RBPJ: variants seen among roughly 807,000 people sequenced by gnomAD.
The protein encoded by RBPJ is recombination signal binding protein for immunoglobulin kappa J region.
A neutral mutation model predicts 67.8 loss-of-function variants in RBPJ; 9 were observed. The ratio of observed to expected loss-of-function variants is 0.13; its 90% CI spans 0.08 to 0.23. RBPJ has a LOEUF of 0.23. RBPJ is among the 10% of genes least tolerant of loss of function. RBPJ has a pLI of 1.00. For synonymous variants in RBPJ, 198 were observed against 203.3 expected, an observed-to-expected ratio of 0.97 and a Z score of 0.22; for missense variants, 305 against 595.6, an observed-to-expected ratio of 0.51 and a Z score of 5.08.
chr4:26,298,244 T>C (rs1488775219), intron 1 of RBPJ, among the ~76,000 whole-genome samples: 1 of 152,226 alleles, frequency 6.6e-6, no homozygotes, highest in Non-Finnish European at 1.5e-5. Context: ...GTAACCTAAG[T>C]AGGACCTCTT....
At chr4:26,219,987 G>A (rs1207365914) in intron 1 of RBPJ, among the ~76,000 whole-genome samples, 2 of 150,904 alleles carry the variant, frequency 1.3e-5, no homozygotes, top group East Asian at 1.9e-4. Context: ...GTTTCACTAT[G>A]TTAGCCAGGA....
At position 26,430,581 on chromosome 4, in the gene RBPJ, T is replaced by G. The variant is rs148387267; in HGVS notation, c.1148+59T>G. On this transcript the variant is annotated intron_variant, in intron 10 of 10. Coordinates refer to ENST00000355476, the MANE Select transcript of RBPJ (RefSeq NM_015874.6). This position sits in a 1 kb window ranked among gnomAD's most constrained non-coding sequence, Gnocchi z 4.1. ...TTGTGAGGGGTGTGGGTACAGGAGA[T>G]TCTTTCCTGGCACTGATTGTAATGT... 6.6e-7 allele frequency: 1 copy of G among 1,516,390 alleles called. No homozygotes were observed. Among genetic ancestry groups the G allele is most frequent in the Admixed American group, 1.8e-5 (1 of 54,666 alleles). 93.9% of individuals were successfully genotyped at this position (1,516,390 alleles called of 1,614,324 possible). A position where few individuals can be genotyped will look rare whatever the true frequency, so the allele number is the denominator to read the frequency against.
At chr4:26,124,571 A>G in the RBPJ span, among the ~76,000 whole-genome samples, 1 of 151,222 alleles carries the variant, frequency 6.6e-6, no homozygotes, top group Non-Finnish European at 1.5e-5. Flanking sequence ...TCTTTTTCAT[A>G]TAATGACTTC....
At chr4:26,191,248 G>T (rs1410815428) in intron 1 of RBPJ, among the ~76,000 whole-genome samples, 1 of 135,338 alleles carries the variant, frequency 7.4e-6, no homozygotes, top group African/African-American at 3.0e-5. Context: ...GAGATAGAGA[G>T]AGAGAGAGGG....
intron 1 of RBPJ, among the ~76,000 whole-genome samples, chr4:26,234,048 A>G (rs1719374676): frequency 6.6e-6 from 1 of 152,220 alleles, no homozygotes; most frequent in African/African-American, 2.4e-5. Flanking sequence ...CTTAGAAACT[A>G]TAGGGGCTTC....
chr4:26,284,276 T>C (rs1310410021), intron 1 of RBPJ, among the ~76,000 whole-genome samples: 1 of 152,156 alleles, frequency 6.6e-6, no homozygotes, highest in Non-Finnish European at 1.5e-5. Flanking sequence ...CCTTAACAGC[T>C]TCTTTGTTGC....
the RBPJ span, among the ~76,000 whole-genome samples, chr4:26,111,625 C>T: frequency 6.6e-6 from 1 of 152,224 alleles, no homozygotes; most frequent in African/African-American, 2.4e-5. Context: ...CCTCCAGTCC[C>T]TCATGGGAAA....
intron 1 of RBPJ, among the ~76,000 whole-genome samples, chr4:26,229,009 C>A (rs553054762): frequency 6.6e-6 from 1 of 152,300 alleles, no homozygotes; most frequent in South Asian, 2.1e-4. Context: ...GTCACAGGAG[C>A]CTTAGAGCTC....
intron 2 of RBPJ, among the ~76,000 whole-genome samples, chr4:26,400,155 A>G (rs973216321): frequency 2.6e-5 from 4 of 152,082 alleles, no homozygotes; most frequent in African/African-American, 7.2e-5. Flanking sequence ...AATTTTTGGT[A>G]TTTTTTAATT....
At position 26,431,614 on chromosome 4, in the gene RBPJ, T is replaced by G. The variant is rs1736245503; in HGVS notation, c.*607T>G. The G allele has an allele frequency of 6.6e-6, 1 of 152,190 alleles. No individual in the cohort carries two copies. Among genetic ancestry groups the G allele is most frequent in the African/African-American group, 2.4e-5 (1 of 41,416 alleles). 9.4% of individuals were successfully genotyped at this position (152,190 alleles called of 1,614,324 possible). A position where few individuals can be genotyped will look rare whatever the true frequency, so the allele number is the denominator to read the frequency against. On this transcript the variant is annotated 3_prime_UTR_variant, in exon 11 of 11. Coordinates refer to ENST00000355476, the MANE Select transcript of RBPJ (RefSeq NM_015874.6). ...TGGTCTAAGGCTGGAACTTTTTTCT[T>G]TTTTTTCAGCTGAAGTCTTATGACT...
At chr4:26,274,568 G>A (rs140967594) in intron 1 of RBPJ, among the ~76,000 whole-genome samples, 14 of 152,262 alleles carry the variant, frequency 9.2e-5, no homozygotes, top group African/African-American at 2.9e-4. Flanking sequence ...AGTTTGAGGT[G>A]GCAGTGAGCT....
chr4:26,222,292 G>A lies in RBPJ; in HGVS notation c.-167+58678G>A, dbSNP rs149985793. ...GTGGATCACCTGAGGTCAGGAGTTC[G>A]AGACCAGCCTGGCCAACATGGTGAA... On this transcript the variant is annotated intron_variant, in intron 1 of 4. Coordinates refer to the RBPJ transcript ENST00000512351. Among the ~76,000 whole-genome samples, 1,392 of 152,164 alleles carry A rather than the reference G, an allele frequency of 9.1e-3. 18 individuals are homozygous for A. The highest frequency in any genetic ancestry group is 0.031 in the African/African-American group (1,268 of 41,526).
chr4:26,237,532 C>A (rs1201296817), intron 1 of RBPJ, among the ~76,000 whole-genome samples: 1 of 152,164 alleles, frequency 6.6e-6, no homozygotes, highest in East Asian at 1.9e-4. Context: ...TTTCCATCAT[C>A]TTGCAAACTT....
chr4:26,225,041 G>A lies in RBPJ; in HGVS notation c.-167+61427G>A, dbSNP rs983217653. ...GGCATAGAGCAAAATCCAAATGACT[G>A]ATGGCAGTGGACTTGTTGAACTTCA... is the stretch of plus-strand genomic sequence containing the variant. On this transcript the variant is annotated intron_variant, in intron 1 of 4. Transcript: ENST00000512351. 3.3e-5 allele frequency among the ~76,000 whole-genome samples: 5 copies of A among 152,350 alleles called. No individual in the cohort carries two copies. The South Asian group carries it at 1.0e-3, about 32-fold the overall frequency.
At chr4:26,157,101 AAACAAAC>A in the RBPJ span, among the ~76,000 whole-genome samples, 91 of 134,442 alleles carry the variant, frequency 6.8e-4, 1 homozygote, top group Admixed American at 2.4e-3. Context: ...AAACAAACAA[AAACAAAC>A]AAACAAACAA....
intron 1 of RBPJ, among the ~76,000 whole-genome samples, chr4:26,336,710 A>G (rs1724872533): frequency 1.3e-5 from 2 of 152,052 alleles, no homozygotes; most frequent in South Asian, 2.1e-4. Flanking sequence ...ATGTTTTCAC[A>G]TACATTAAAG....
intron 1 of RBPJ, among the ~76,000 whole-genome samples, chr4:26,385,913 C>T (rs951111205): frequency 3.9e-5 from 6 of 151,916 alleles, no homozygotes; most frequent in Non-Finnish European, 1.5e-5. Flanking sequence ...GTCTCTTGTC[C>T]CACTTCAGCC....
In RBPJ at chr4:26,369,145, T is replaced by A. The variant is rs549139683; in HGVS notation, c.21-17208T>A. Among the ~76,000 whole-genome samples, 18 of 152,334 alleles carry A rather than the reference T, an allele frequency of 1.2e-4. 1 individual carries two copies. The highest frequency in any genetic ancestry group is 2.2e-4 in the Non-Finnish European group (15 of 68,024). On this transcript the variant is annotated intron_variant, in intron 1 of 10. Transcript: ENST00000355476. ...TAGGTTTTTAAGACATGCATCTATC[T>A]TGTCATGGCAGAACAGGTCATACTC...
At chr4:26,130,581 T>TTCTCACTCATTTTCTCTC in the RBPJ span, among the ~76,000 whole-genome samples, 3 of 152,100 alleles carry the variant, frequency 2.0e-5, no homozygotes, top group African/African-American at 7.2e-5. Context: ...CCTGTTCTCT[T>TTCTCACTCATTTTCTCTC]TCTCACTCAT....
Sources: allele counts gnomAD v4.1 joint callset (sites outside exome capture counted in the v4.1 genomes callset), GRCh38; gene constraint gnomAD v4.1.1; non-coding constraint Gnocchi (gnomAD v3.1); transcripts MANE v1.5; gene names NCBI Gene and HGNC (gene_info 2026-07-23, HGNC 2026-07-21).